Variants in IFT88 observed in about 807,000 individuals in gnomAD.
IFT88 encodes intraflagellar transport protein 88 homolog.
In IFT88, 74 loss-of-function variants were observed where a neutral mutation model predicts 119.5. The observed-to-expected ratio is 0.62, with a 90% CI of 0.51 to 0.75. The LOEUF is 0.75. IFT88 is among the 30% of genes least tolerant of loss of function. The pLI is 0.00. For synonymous variants in IFT88, 279 were observed against 316.7 expected, an observed-to-expected ratio of 0.88 and a Z score of 1.26; for missense variants, 961 against 977.7, an observed-to-expected ratio of 0.98 and a Z score of 0.23.
At chr13:20,690,431 A>G (rs1336526172) in intron 24 of IFT88, among the ~76,000 whole-genome samples, 1 of 152,164 alleles carries the variant, frequency 6.6e-6, no homozygotes, top group Non-Finnish European at 1.5e-5. Flanking sequence ...ACTTTCTCTT[A>G]AGTTCTTCCA....
At chr13:20,652,953 A>G (rs2052039636) in intron 20 of IFT88, among the ~76,000 whole-genome samples, 2 of 152,222 alleles carry the variant, frequency 1.3e-5, no homozygotes, top group African/African-American at 2.4e-5. Flanking sequence ...TTGCTGTAAC[A>G]TGAAATGTTA....
intron 24 of IFT88, among the ~76,000 whole-genome samples, chr13:20,686,819 T>C (rs2057964139): frequency 6.6e-6 from 1 of 152,106 alleles, no homozygotes; most frequent in African/African-American, 2.4e-5. Context: ...TGGAAACAAT[T>C]CATTTTTATT....
chr13:20,590,962 A>G lies in IFT88; in HGVS notation c.211-5A>G, dbSNP rs376750493. ...TCTTTTTAACTTAACTTTTCTGTTT[A>G]CTAGTCCAAGACATCTCTGGCATCA... On this transcript the variant is annotated splice_polypyrimidine_tract_variant and splice_region_variant and intron_variant, in intron 4 of 25. Coordinates refer to ENST00000351808, the MANE Select transcript of IFT88 (RefSeq NM_006531.5). 5.7e-5 allele frequency: 92 copies of G among 1,602,456 alleles called. No individual in the cohort carries two copies. Among genetic ancestry groups the G allele is most frequent in the Non-Finnish European group, 7.6e-5 (89 of 1,171,948 alleles).
At chr13:20,663,668 A>C in intron 23 of IFT88, 64 bp downstream of exon 23, 3 of 1,158,050 alleles carry the variant, frequency 2.6e-6, no homozygotes, top group Non-Finnish European at 3.8e-6. Context: ...TCTATAGCTC[A>C]AATGTGTGAT....
chr13:20,604,993 A>T (rs1168953453), intron 12 of IFT88, 42 bp from the exon 13 acceptor site: 3 of 981,166 alleles, frequency 3.1e-6, no homozygotes, highest in Non-Finnish European at 4.8e-6. Context: ...CTTGCTGTTT[A>T]CTTCTGAATT....
chr13:20,630,363 T>G (rs1294376005), intron 15 of IFT88, among the ~76,000 whole-genome samples: 1 of 152,188 alleles, frequency 6.6e-6, no homozygotes, highest in Non-Finnish European at 1.5e-5. Flanking sequence ...TTCTATAATC[T>G]TTCTAGTTGT....
intron 14 of IFT88, among the ~76,000 whole-genome samples, chr13:20,622,469 T>C (rs944764798): frequency 6.6e-6 from 1 of 152,250 alleles, no homozygotes; most frequent in Non-Finnish European, 1.5e-5. Context: ...ATTTCTGGGG[T>C]GCCACATCCT....
chr13:20,663,480 G>GTA lies in IFT88; in HGVS notation c.2069-14_2069-13dup. On this transcript the variant is annotated splice_polypyrimidine_tract_variant and intron_variant, in intron 22 of 25. Transcript: ENST00000351808. ...ACTGTGCCTATATTCTTTCCTAAATGTATATTTTACAATTTAGGTCTGCGT... is the reference window on the plus strand; with the variant it reads ...ACTGTGCCTATATTCTTTCCTAAATGTATATATTTTACAATTTAGGTCTGCGT... 6.2e-7 allele frequency: 1 copy of GTA among 1,606,952 alleles called. No homozygotes were observed.
At chr13:20,599,334 A>G (rs189342835) in intron 10 of IFT88, 117 bp from the exon 11 acceptor site, 176 of 526,618 alleles carry the variant, frequency 3.3e-4, no homozygotes, top group African/African-American at 3.1e-3. Flanking sequence ...ATTTTAGATA[A>G]TATCTGAGAC....
chr13:20,663,554 T>C lies in IFT88; in HGVS notation c.2125T>C (p.Tyr709His), dbSNP rs774255357. 3.1e-6 allele frequency: 5 copies of C among 1,613,842 alleles called. No individual in the cohort carries two copies. The Admixed American group carries it at 8.3e-5, about 27-fold the overall frequency. The change falls in exon 23 of 26, where the codon TAT (tyrosine) becomes CAT (histidine). Residue 709 changes from tyrosine (Y) to histidine (H), a missense_variant. Physicochemically the swap from Tyr to His is moderately conservative, Grantham distance 83. Transcript: ENST00000351808. ...TDLGLKDAQE[Y>H]ARKLKRLEKM... ...TCTTGGATTAAAAGATGCTCAAGAA[T>C]ATGCCAGAAAACTGAAGAGGTTGGA...
intron 20 of IFT88, among the ~76,000 whole-genome samples, chr13:20,648,495 ATAAC>A (rs2051085235): frequency 6.6e-6 from 1 of 152,216 alleles, no homozygotes; most frequent in African/African-American, 2.4e-5. Flanking sequence ...CATTAGGAAA[ATAAC>A]TAAGAAATCA....
At chr13:20,600,431 T>C (rs1236531594) in intron 11 of IFT88, among the ~76,000 whole-genome samples, 1 of 151,970 alleles carries the variant, frequency 6.6e-6, no homozygotes, top group South Asian at 2.1e-4. Context: ...ATTGACTCTT[T>C]AGGAGGAGAG....
chr13:20,684,774 G>A (rs558776326), intron 24 of IFT88, among the ~76,000 whole-genome samples: 6 of 152,190 alleles, frequency 3.9e-5, no homozygotes, highest in Non-Finnish European at 7.3e-5. Flanking sequence ...TGATGCTTCC[G>A]AGCTCCCCTT....
intron 1 of IFT88, chr13:20,567,760 A>G: frequency 7.5e-7 from 1 of 1,340,672 alleles, no homozygotes; most frequent in African/African-American, 1.5e-5. Context: ...AGCCTCACAA[A>G]GATGGAAACA....
At chr13:20,682,401 G>A (rs1291449122) in intron 24 of IFT88, among the ~76,000 whole-genome samples, 1 of 152,240 alleles carries the variant, frequency 6.6e-6, no homozygotes, top group Non-Finnish European at 1.5e-5. Flanking sequence ...ATTGACAAGG[G>A]CTAGTGAGAC....
chr13:20,580,378 G>A (rs1028620554), intron 2 of IFT88, among the ~76,000 whole-genome samples: 8 of 152,012 alleles, frequency 5.3e-5, no homozygotes, highest in African/African-American at 1.4e-4. Flanking sequence ...TTAGCCAGCC[G>A]TGGTGGCGGG....
At chr13:20,574,288 C>CCAG in intron 1 of IFT88, 92 bp from the exon 2 acceptor site, 1 of 581,322 alleles carries the variant, frequency 1.7e-6, no homozygotes, top group Non-Finnish European at 2.9e-6. Flanking sequence ...CTACTGCATT[C>CCAG]CAGCCTGGGC....
chr13:20,593,521 CTTTT>C (rs36063547), intron 7 of IFT88, among the ~76,000 whole-genome samples: 1 of 150,444 alleles, frequency 6.6e-6, no homozygotes. Flanking sequence ...AATTGTAATT[CTTTT>C]TTTTTGTTTC....
intron 9 of IFT88, among the ~76,000 whole-genome samples, chr13:20,598,353 A>C (rs996599706): frequency 1.3e-5 from 2 of 152,200 alleles, no homozygotes; most frequent in African/African-American, 4.8e-5. Flanking sequence ...GATCACCAGC[A>C]GCATTAATGA....
Sources: gnomAD v4.1 joint callset for allele counts (sites outside exome capture counted in the v4.1 genomes callset) on GRCh38, gnomAD v4.1.1 for gene constraint, MANE v1.5 for transcripts, NCBI Gene and HGNC (gene_info 2026-07-23, HGNC 2026-07-21) for gene names.